The following NAALADL2 variants were observed in gnomAD, a reference collection of about 807,000 sequenced individuals.
NAALADL2 encodes inactive N-acetylated-alpha-linked acidic dipeptidase-like protein 2.
A neutral mutation model predicts 87.2 loss-of-function variants in NAALADL2; 76 were observed. The ratio of observed to expected loss-of-function variants is 0.87; its 90% CI spans 0.72 to 1.05. The LOEUF is 1.05. Ranked by LOEUF, NAALADL2 falls within the 50% of genes least tolerant of loss-of-function variation. The pLI is 0.00. For missense variants in NAALADL2, 1,089 were observed against 945.8 expected, an observed-to-expected ratio of 1.15 and a Z score of -1.99; for synonymous variants, 354 against 331.0, an observed-to-expected ratio of 1.07 and a Z score of -0.75.
chr3:175,371,122 T>C (rs1300160580), intron 5 of NAALADL2, among the ~76,000 whole-genome samples: 2 of 152,220 alleles, frequency 1.3e-5, no homozygotes. Context: ...AATTTCAAAT[T>C]ATACTATGTA....
At chr3:174,983,033 C>T (rs1035881790) in intron 1 of NAALADL2, among the ~76,000 whole-genome samples, 3 of 152,100 alleles carry the variant, frequency 2.0e-5, no homozygotes, top group African/African-American at 2.4e-5. Flanking sequence ...CTCCTGACCT[C>T]GTGATCCGCC....
At position 174,561,201 on chromosome 3, in the gene NAALADL2, C is replaced by CTTTT. The variant is rs200957982; in HGVS notation, c.-115+10579_-115+10582dup. Reference sequence around the variant, plus strand: ...CTAGCTAAACTGACTAATAGGATTCCTTTTTTTTTTTTTTTTTTGGAAAGA... The same window carrying CTTTT: ...CTAGCTAAACTGACTAATAGGATTCCTTTTTTTTTTTTTTTTTTTTTTGGAAAGA... On this transcript the variant is annotated intron_variant, in intron 2 of 3. Coordinates refer to the NAALADL2 transcript ENST00000434257. Among the ~76,000 whole-genome samples, 7 of 130,726 alleles carry CTTTT rather than the reference C, an allele frequency of 5.4e-5. No individual in the cohort carries two copies. In the South Asian group the frequency reaches 1.7e-3, roughly 32 times the overall value. 85.8% of individuals were successfully genotyped at this position (130,726 alleles called of 152,430 possible). A position where few individuals can be genotyped will look rare whatever the true frequency, so the allele number is the denominator to read the frequency against.
chr3:175,730,830 C>T (rs1446487562), intron 11 of NAALADL2, among the ~76,000 whole-genome samples: 4 of 152,058 alleles, frequency 2.6e-5, no homozygotes, highest in Non-Finnish European at 4.4e-5. Context: ...AAAGGAAAGA[C>T]ACCAGGGTCT....
At position 175,128,441 on chromosome 3, in the gene NAALADL2, C is replaced by T. The variant is rs530113780; in HGVS notation, c.545+31150C>T. 1.3e-3 allele frequency among the ~76,000 whole-genome samples: 180 copies of T among 143,270 alleles called. 1 individual carries two copies. Among genetic ancestry groups the T allele is most frequent in the Middle Eastern group, 3.8e-3 (1 of 262 alleles). The allele number at this position is 143,270 out of a possible 152,430, so 94.0% of individuals were successfully genotyped here. A position where few individuals can be genotyped will look rare whatever the true frequency, so the allele number is the denominator to read the frequency against. Reference sequence around the variant, plus strand: ...GAACAAAGGACCATTTGATTAGTATCATTTCTTCAATTTACCTTTTTTTTC... The same window carrying T: ...GAACAAAGGACCATTTGATTAGTATTATTTCTTCAATTTACCTTTTTTTTC... On this transcript the variant is annotated intron_variant, in intron 2 of 13. Coordinates refer to ENST00000454872, the MANE Select transcript of NAALADL2 (RefSeq NM_207015.3).
intron 5 of NAALADL2, among the ~76,000 whole-genome samples, chr3:175,398,472 A>G (rs960030876): frequency 1.4e-5 from 2 of 146,516 alleles, no homozygotes; most frequent in Admixed American, 7.1e-5. Context: ...TTCTCATTGT[A>G]TTGTTTTCAA....
chr3:175,187,533 C>T (rs1737526070), intron 2 of NAALADL2, among the ~76,000 whole-genome samples: 1 of 152,136 alleles, frequency 6.6e-6, no homozygotes, highest in South Asian at 2.1e-4. Flanking sequence ...ATGGCCAACA[C>T]ACTGTAGATT....
intron 1 of NAALADL2, among the ~76,000 whole-genome samples, chr3:175,086,817 C>T (rs181120651): frequency 5.3e-5 from 8 of 152,190 alleles, no homozygotes; most frequent in African/African-American, 1.7e-4. Context: ...AAAGATTAAC[C>T]TCTCAATGTC....
At chr3:175,499,474 T>C (rs1729248967) in intron 9 of NAALADL2, among the ~76,000 whole-genome samples, 1 of 149,970 alleles carries the variant, frequency 6.7e-6, no homozygotes, top group Non-Finnish European at 1.5e-5. Context: ...TACAAAATGT[T>C]AAACCTAAGG....
At chr3:174,654,958 A>G (rs1379907038) in intron 2 of NAALADL2, among the ~76,000 whole-genome samples, 1 of 152,100 alleles carries the variant, frequency 6.6e-6, no homozygotes, top group African/African-American at 2.4e-5. Context: ...GATGGTCTCG[A>G]TCTCCTGACC....
At chr3:174,887,341 T>C (rs530976565) in intron 1 of NAALADL2, among the ~76,000 whole-genome samples, 1 of 152,194 alleles carries the variant, frequency 6.6e-6, no homozygotes, top group African/African-American at 2.4e-5. Flanking sequence ...AATTGATATA[T>C]AAAGAGATTA....
At chr3:174,981,487 C>T (rs1579845656) in intron 1 of NAALADL2, among the ~76,000 whole-genome samples, 3 of 152,220 alleles carry the variant, frequency 2.0e-5, no homozygotes, top group Middle Eastern at 6.8e-3. Context: ...ATTTCTATTT[C>T]TTCAAAGAGA....
intron 11 of NAALADL2, among the ~76,000 whole-genome samples, chr3:175,722,385 C>T (rs1742356731): frequency 6.6e-6 from 1 of 151,972 alleles, no homozygotes; most frequent in Non-Finnish European, 1.5e-5. Flanking sequence ...TGACATAGTA[C>T]ACATCTGAGA....
At chr3:174,857,357 C>T (rs1394796680), upstream of NAALADL2, among the ~76,000 whole-genome samples, 3 of 152,138 alleles carry the variant, frequency 2.0e-5, no homozygotes, top group African/African-American at 7.2e-5. Context: ...AACTTACGAA[C>T]TTAAGACCTT....
intron 1 of NAALADL2, among the ~76,000 whole-genome samples, chr3:175,071,323 C>T (rs1041905153): frequency 1.3e-5 from 2 of 152,050 alleles, no homozygotes; most frequent in African/African-American, 4.8e-5. Flanking sequence ...TCATGTATTC[C>T]TTTACACGAA....
At chr3:174,903,566 TC>T (rs1290293183) in intron 1 of NAALADL2, among the ~76,000 whole-genome samples, 1 of 151,462 alleles carries the variant, frequency 6.6e-6, no homozygotes, top group Non-Finnish European at 1.5e-5. Context: ...TTTGTATCTA[TC>T]TTTTAGTAGT....
chr3:175,572,780 T>G (rs1718280114), intron 9 of NAALADL2, among the ~76,000 whole-genome samples: 1 of 152,102 alleles, frequency 6.6e-6, no homozygotes, highest in African/African-American at 2.4e-5. Context: ...AAACAAATGT[T>G]GCAAGTAGCT....
chr3:174,558,647 A>C (rs1713170661), intron 2 of NAALADL2, among the ~76,000 whole-genome samples: 1 of 152,082 alleles, frequency 6.6e-6, no homozygotes, highest in South Asian at 2.1e-4. Context: ...AGCTCAGGCC[A>C]TAATGCCAGC....
intron 3 of NAALADL2, among the ~76,000 whole-genome samples, chr3:174,801,355 GCT>G (rs1404669316): frequency 1.3e-5 from 2 of 152,166 alleles, no homozygotes; most frequent in East Asian, 3.9e-4. Context: ...CCCTGCACAA[GCT>G]CTCTCTTTGC....
chr3:174,652,102 A>G (rs1467146772), intron 2 of NAALADL2, among the ~76,000 whole-genome samples: 2 of 152,150 alleles, frequency 1.3e-5, no homozygotes, highest in Admixed American at 6.5e-5. Context: ...CTACCCATCA[A>G]AGAGTCTCAC....
Sources: gnomAD v4.1 joint callset for allele counts (sites outside exome capture counted in the v4.1 genomes callset) on GRCh38, gnomAD v4.1.1 for gene constraint, MANE v1.5 for transcripts, NCBI Gene and HGNC (gene_info 2026-07-23, HGNC 2026-07-21) for gene names.